The following ABHD12B variants were observed in gnomAD, a reference collection of about 807,000 sequenced individuals.
The protein encoded by ABHD12B is abhydrolase domain containing 12B.
A neutral mutation model predicts 50.4 loss-of-function variants in ABHD12B; 42 were observed. The observed-to-expected ratio is 0.83, with a 90% CI of 0.65 to 1.08. The LOEUF is 1.08. Ranked by LOEUF, ABHD12B falls within the 50% of genes least tolerant of loss-of-function variation. The pLI is 0.00. For missense variants in ABHD12B, 479 were observed against 447.7 expected, an observed-to-expected ratio of 1.07 and a Z score of -0.63; for synonymous variants, 167 against 160.3, an observed-to-expected ratio of 1.04 and a Z score of -0.32.
intron 9 of ABHD12B, among the ~76,000 whole-genome samples, chr14:50,890,087 A>C (rs1476710768): frequency 6.6e-6 from 1 of 152,228 alleles, no homozygotes; most frequent in Non-Finnish European, 1.5e-5. Context: ...GTAATTTCAG[A>C]TATAATAAAT....
intron 1 of ABHD12B, among the ~76,000 whole-genome samples, chr14:50,873,079 T>C (rs960673944): frequency 6.6e-6 from 1 of 152,178 alleles, no homozygotes; most frequent in Non-Finnish European, 1.5e-5. Flanking sequence ...GGTATTGGCA[T>C]TTTTACTTCC....
chr14:50,889,616 G>A (rs377495412), intron 9 of ABHD12B, among the ~76,000 whole-genome samples: 1 of 152,200 alleles, frequency 6.6e-6, no homozygotes, highest in Non-Finnish European at 1.5e-5. Context: ...CCAGCCTGGC[G>A]ACAGAGTGAG....
intron 5 of ABHD12B, among the ~76,000 whole-genome samples, chr14:50,883,213 C>T (rs553409032): frequency 2.6e-5 from 4 of 152,146 alleles, no homozygotes; most frequent in Admixed American, 6.5e-5. Context: ...AGGTAATCTC[C>T]GCTGCTGGTG....
In ABHD12B at chr14:50,891,803, A is replaced by G. The variant is rs545036682; in HGVS notation, c.780+2900A>G. ...TATTAAATGGACCTTCCCCACCACT[A>G]TGCAGTGCTAATGTTTGCATATATC... On this transcript the variant is annotated intron_variant, in intron 9 of 12. Transcript: ENST00000337334. 6.6e-5 allele frequency: 10 copies of G among 152,330 alleles called. No individual in the cohort carries two copies. In the South Asian group the frequency reaches 1.9e-3, roughly 28 times the overall value. 9.4% of individuals were successfully genotyped at this position (152,330 alleles called of 1,614,324 possible).
chr14:50,889,981 G>A (rs887841917), intron 9 of ABHD12B, among the ~76,000 whole-genome samples: 30 of 152,138 alleles, frequency 2.0e-4, no homozygotes, highest in African/African-American at 5.8e-4. Flanking sequence ...CTAGGACAGC[G>A]AGTTCACATA....
intron 8 of ABHD12B, among the ~76,000 whole-genome samples, chr14:50,886,986 T>A (rs61984969): frequency 6.6e-6 from 1 of 151,858 alleles, no homozygotes; most frequent in Non-Finnish European, 1.5e-5. Context: ...GAGGCTGAGG[T>A]GGGTGGATCA....
chr14:50,904,296 G>C (rs768720249), intron 12 of ABHD12B, 43 bp from the exon 13 acceptor site: 37 of 1,613,922 alleles, frequency 2.3e-5, no homozygotes, highest in Middle Eastern at 1.6e-4. Flanking sequence ...TGCTTATTTA[G>C]GTAGGGAAAG....
intron 9 of ABHD12B, among the ~76,000 whole-genome samples, chr14:50,890,695 T>G (rs2050105287): frequency 6.6e-6 from 1 of 152,322 alleles, no homozygotes; most frequent in South Asian, 2.1e-4. Flanking sequence ...ATACCAAAAT[T>G]TATTGATCTA....
rs1015491263 is a variant in ABHD12B at position 50,904,831 on chromosome 14, C to T, written c.*465C>T. ...CCAAAAGAGCTCTTCACTCCTCCTA[C>T]CATTTGAGGATACAGTGAGAAGCCT... On this transcript the variant is annotated 3_prime_UTR_variant, in exon 13 of 13. Coordinates refer to ENST00000337334, the MANE Select transcript of ABHD12B (RefSeq NM_001206673.2). 24 of 229,174 alleles carry T rather than the reference C, an allele frequency of 1.0e-4. No homozygotes were observed. The highest frequency in any genetic ancestry group is 1.7e-4 in the Non-Finnish European group (20 of 115,664). 14.2% of individuals were successfully genotyped at this position (229,174 alleles called of 1,614,324 possible). A position where few individuals can be genotyped will look rare whatever the true frequency, so the allele number is the denominator to read the frequency against.
intron 5 of ABHD12B, among the ~76,000 whole-genome samples, chr14:50,882,922 G>T (rs1229197808): frequency 1.4e-5 from 2 of 147,250 alleles, no homozygotes; most frequent in Non-Finnish European, 3.0e-5. Flanking sequence ...AATAAGCTAG[G>T]ATTGTGCCAC....
chr14:50,878,991 C>G, intron 3 of ABHD12B, 144 bp downstream of exon 3: 1 of 687,292 alleles, frequency 1.5e-6, no homozygotes. Flanking sequence ...CCTTCCTCTT[C>G]TGTTGATTTG....
In ABHD12B at chr14:50,885,915, G is replaced by T. The variant is rs756180086; in HGVS notation, c.662+20G>T. The T allele has an allele frequency of 1.2e-6, 2 of 1,613,464 alleles. No individual in the cohort carries two copies. The highest frequency in any genetic ancestry group is 2.2e-5 in the South Asian group (2 of 91,022). On this transcript the variant is annotated intron_variant, in intron 7 of 12. Transcript: ENST00000337334. ...TACAGGGTAAGTGAGATCTGCAAAT[G>T]TGTCCTTAGGCAGGTCCTTGAGGCT...
chr14:50,898,407 G>A (rs530731070), intron 9 of ABHD12B, among the ~76,000 whole-genome samples: 206 of 152,308 alleles, frequency 1.4e-3, no homozygotes, highest in South Asian at 0.011. Flanking sequence ...GTTTTCAGTA[G>A]ATAGTGTGGC....
intron 9 of ABHD12B, among the ~76,000 whole-genome samples, chr14:50,889,659 T>C (rs931693985): frequency 1.1e-4 from 17 of 152,048 alleles, no homozygotes; most frequent in Non-Finnish European, 1.0e-4. Context: ...AAAAATCTAT[T>C]GTGTAGACTA....
chr14:50,903,442 C>G lies in ABHD12B; in HGVS notation c.917C>G (p.Thr306Arg), dbSNP rs1240201884. Residue 306 changes from threonine to arginine, a missense_variant, in exon 11 of 13, where the codon ACA becomes AGA. Transcript: ENST00000337334. ...LLILHGEDDR[T>R]VPLEYGKKLY... Reference sequence around the variant, plus strand: ...ATCTTACATGGAGAGGATGACAGGACAGTGCCTTTGGAGTATGGGAAAAAG... The same window carrying G: ...ATCTTACATGGAGAGGATGACAGGAGAGTGCCTTTGGAGTATGGGAAAAAG... The G allele has an allele frequency of 1.2e-6, 2 of 1,612,606 alleles. No individual in the cohort carries two copies. Among genetic ancestry groups the G allele is most frequent in the Admixed American group, 3.3e-5 (2 of 59,932 alleles).
At position 50,885,896 on chromosome 14, in the gene ABHD12B, G is replaced by T. The variant is rs1168538116; in HGVS notation, c.662+1G>T. 1.2e-6 allele frequency: 2 copies of T among 1,614,014 alleles called. No homozygotes were observed. Among genetic ancestry groups the T allele is most frequent in the Non-Finnish European group, 1.7e-6 (2 of 1,179,996 alleles). ...TCTGGGGCCACTCTCTGGGTACAGGGTAAGTGAGATCTGCAAATGTGTCCT... is the reference window on the plus strand; with the variant it reads ...TCTGGGGCCACTCTCTGGGTACAGGTTAAGTGAGATCTGCAAATGTGTCCT... On this transcript the variant is annotated splice_donor_variant, in intron 7 of 12. Transcript: ENST00000337334. LOFTEE classifies it high-confidence loss of function.
chr14:50,896,861 C>G (rs946163034), intron 9 of ABHD12B, among the ~76,000 whole-genome samples: 155 of 152,268 alleles, frequency 1.0e-3, no homozygotes, highest in African/African-American at 3.7e-3. Context: ...TTGGTGGTCT[C>G]TTCACACAGA....
At chr14:50,900,303 C>G (rs1045932811) in intron 9 of ABHD12B, among the ~76,000 whole-genome samples, 1 of 152,066 alleles carries the variant, frequency 6.6e-6, no homozygotes, top group Admixed American at 6.6e-5. Context: ...ATGAAAATGA[C>G]AGATAATAAC....
intron 9 of ABHD12B, among the ~76,000 whole-genome samples, chr14:50,893,960 C>T (rs1004410463): frequency 2.6e-5 from 4 of 152,284 alleles, no homozygotes; most frequent in Non-Finnish European, 4.4e-5. Flanking sequence ...AGGCAGCCTT[C>T]CCTTGGTGTT....
Sources: gnomAD v4.1 joint callset for allele counts (sites outside exome capture counted in the v4.1 genomes callset) on GRCh38, gnomAD v4.1.1 for gene constraint, MANE v1.5 for transcripts, NCBI Gene and HGNC (gene_info 2026-07-23, HGNC 2026-07-21) for gene names.